Variants in KCNN4 observed in about 807,000 individuals in gnomAD.
KCNN4 encodes the protein intermediate conductance calcium-activated potassium channel protein 4.
Under a neutral mutation model 45.2 loss-of-function variants are expected in KCNN4, and 31 were observed. That is an observed-to-expected ratio of 0.69 (90% CI 0.52 to 0.92). The LOEUF is 0.92. Ranked by LOEUF, KCNN4 falls within the 40% of genes least tolerant of loss-of-function variation. The probability of loss-of-function intolerance (pLI) is 0.00; values close to 1 mark genes in which losing one functional copy is unlikely to be tolerated. For synonymous variants in KCNN4, 231 were observed against 254.6 expected (o/e 0.91, Z 0.88); for missense variants, 463 against 574.0 (o/e 0.81, Z 1.98).
chr19:43,777,299 G>GT (rs1491164645), intron 1 of KCNN4, among the ~76,000 whole-genome samples: 4 of 25,664 alleles, frequency 1.6e-4, no homozygotes, highest in South Asian at 2.0e-3. Context: ...AGTTCTTCAG[G>GT]TGTGTGTGTG....
rs1969561795 is a variant in KCNN4, at chr19:43,769,129, A to G, written c.1050-97T>C. 1.5e-6 allele frequency: 2 copies of G among 1,349,800 alleles called. No homozygotes were observed. The highest frequency in any genetic ancestry group is 2.1e-6 in the Non-Finnish European group (2 of 941,318). The allele number at this position is 1,349,800 out of a possible 1,614,324, so 83.6% of individuals were successfully genotyped here. On this transcript the variant is annotated intron_variant, in intron 6 of 8. Coordinates refer to ENST00000648319, the MANE Select transcript of KCNN4 (RefSeq NM_002250.3). The surrounding 1 kb of genome is among the most constrained non-coding windows in gnomAD (Gnocchi z 4.4). ...GAAGGGAGGAGAGGCACATGAAGAAACAAAACAAAGAAACAAAGTTGTCGA... is the reference window on the plus strand; with the variant it reads ...GAAGGGAGGAGAGGCACATGAAGAAGCAAAACAAAGAAACAAAGTTGTCGA...
At chr19:43,767,459 C>A in intron 8 of KCNN4, 81 bp downstream of exon 8, 2 of 1,496,642 alleles carry the variant, frequency 1.3e-6, no homozygotes, top group East Asian at 2.4e-5. Context: ...AGCCATCCCC[C>A]GCCCCCTTAG....
chr19:43,773,332 C>T (rs191345844), intron 3 of KCNN4, among the ~76,000 whole-genome samples: 2 of 152,300 alleles, frequency 1.3e-5, no homozygotes, highest in African/African-American at 2.4e-5. Flanking sequence ...GATGGTGGAA[C>T]GTGACATGCA....
At chr19:43,777,061 G>A (rs1199209043) in intron 1 of KCNN4, among the ~76,000 whole-genome samples, 1 of 152,096 alleles carries the variant, frequency 6.6e-6, no homozygotes, top group African/African-American at 2.4e-5. Context: ...TCCAGCCTGG[G>A]CAACAGAGCG....
In KCNN4 at chr19:43,774,156, T is replaced by C. The variant is rs201042189; in HGVS notation, c.683+36A>G. On this transcript the variant is annotated intron_variant, in intron 3 of 8. Coordinates refer to ENST00000648319, the MANE Select transcript of KCNN4 (RefSeq NM_002250.3). The surrounding 1 kb of genome is among the most constrained non-coding windows in gnomAD (Gnocchi z 5.6). The stretch of plus-strand genomic sequence containing the variant: ...GGACGGCCGCCGTGGCTGTCCGGGG[T>C]TCCCCCCTGCGCATTTATGCCTCCA... The C allele has an allele frequency of 8.3e-6, 13 of 1,571,122 alleles. No individual in the cohort carries two copies. The highest frequency in any genetic ancestry group is 2.7e-5 in the African/African-American group (2 of 73,996).
chr19:43,779,048 G>A (rs1481012563), intron 1 of KCNN4, among the ~76,000 whole-genome samples: 1 of 152,190 alleles, frequency 6.6e-6, no homozygotes, highest in African/African-American at 2.4e-5. Context: ...AAAAAGGGTG[G>A]AGGGTGACCC....
At chr19:43,775,984 T>C (rs904078494) in intron 2 of KCNN4, among the ~76,000 whole-genome samples, 1 of 151,614 alleles carries the variant, frequency 6.6e-6, no homozygotes, top group Non-Finnish European at 1.5e-5. Flanking sequence ...AAAAATTAGC[T>C]GGGCGTGGTG....
intron 3 of KCNN4, among the ~76,000 whole-genome samples, chr19:43,773,174 G>A (rs1209484903): frequency 3.3e-5 from 5 of 152,234 alleles, no homozygotes; most frequent in African/African-American, 7.2e-5. Flanking sequence ...GTGCACATCC[G>A]TAATCCCAGC....
At position 43,769,626 on chromosome 19, in the gene KCNN4, G is replaced by C. The variant is rs1244792569; in HGVS notation, c.931-66C>G. 1 of 1,571,658 alleles carries C rather than the reference G, an allele frequency of 6.4e-7. No homozygotes were observed. Among genetic ancestry groups the C allele is most frequent in the Non-Finnish European group, 8.8e-7 (1 of 1,141,898 alleles). Reference sequence around the variant, plus strand: ...ACGGTTCTGGGAAGGCAGGGCTAGGGCTGGGACTCTTGGGTCCTAGGGGAA... The same window carrying C: ...ACGGTTCTGGGAAGGCAGGGCTAGGCCTGGGACTCTTGGGTCCTAGGGGAA... On this transcript the variant is annotated intron_variant, in intron 5 of 8. Transcript: ENST00000648319. The surrounding 1 kb of genome is among the most constrained non-coding windows in gnomAD (Gnocchi z 4.4).
chr19:43,767,246 CAG>C, intron 8 of KCNN4, 157 bp from the exon 9 acceptor site: 1 of 367,588 alleles, frequency 2.7e-6, no homozygotes, highest in Non-Finnish European at 5.1e-6. Flanking sequence ...GGCATTTAGA[CAG>C]AGACATTGGA....
At chr19:43,776,501 G>A (rs1212857253) in intron 2 of KCNN4, 40 bp downstream of exon 2, 1 of 1,351,732 alleles carries the variant, frequency 7.4e-7, no homozygotes, top group Non-Finnish European at 1.1e-6. Flanking sequence ...GCGCTGAGGG[G>A]GTTGGAGGGA....
chr19:43,769,584 C>T lies in KCNN4; in HGVS notation c.931-24G>A, dbSNP rs201811061. ...ATCTGGGGGTGGGTGGCACAGTGTC[C>T]GTGGAGATAGACCCTTACGGTTCTG... On this transcript the variant is annotated intron_variant, in intron 5 of 8. Transcript: ENST00000648319. The surrounding 1 kb of genome is among the most constrained non-coding windows in gnomAD (Gnocchi z 4.4). 13 of 1,604,394 alleles carry T rather than the reference C, an allele frequency of 8.1e-6. No individual in the cohort carries two copies. The highest frequency in any genetic ancestry group is 2.7e-5 in the African/African-American group (2 of 74,788).
At chr19:43,767,413 T>C in intron 8 of KCNN4, 127 bp downstream of exon 8, 1 of 1,202,270 alleles carries the variant, frequency 8.3e-7, no homozygotes, top group African/African-American at 1.5e-5. Flanking sequence ...CTCCAGACAG[T>C]GCCAGAGCTG....
chr19:43,771,943 G>A (rs1969655111), intron 4 of KCNN4, 57 bp downstream of exon 4: 7 of 1,525,100 alleles, frequency 4.6e-6, no homozygotes, highest in Admixed American at 4.4e-5. Context: ...GGCTTCCTGG[G>A]GCCAGAGGAT....
chr19:43,768,228 C>T (rs1160011440), intron 7 of KCNN4, among the ~76,000 whole-genome samples: 2 of 152,258 alleles, frequency 1.3e-5, no homozygotes, highest in South Asian at 2.1e-4. Context: ...GCCACTGCCT[C>T]GTCACTGAGA....
chr19:43,769,115 A>C lies in KCNN4; in HGVS notation c.1050-83T>G. ...CTCAGGGGAGGAATGAAGGGAGGAG[A>C]GGCACATGAAGAAACAAAACAAAGA... On this transcript the variant is annotated intron_variant, in intron 6 of 8. Coordinates refer to ENST00000648319, the MANE Select transcript of KCNN4 (RefSeq NM_002250.3). The surrounding 1 kb of genome is among the most constrained non-coding windows in gnomAD (Gnocchi z 4.4). The C allele has an allele frequency of 2.1e-6, 3 of 1,401,822 alleles. No individual in the cohort carries two copies. Among genetic ancestry groups the C allele is most frequent in the Non-Finnish European group, 2.0e-6 (2 of 987,372 alleles). 86.8% of individuals were successfully genotyped at this position (1,401,822 alleles called of 1,614,324 possible). A position where few individuals can be genotyped will look rare whatever the true frequency, so the allele number is the denominator to read the frequency against.
Position 43,769,092 on chromosome 19 carries a change from C to T in KCNN4, c.1050-60G>A, listed in dbSNP as rs1969561089. ...CTGGTCCCTGAATGTAGCTGTAGCT[C>T]AGGGGAGGAATGAAGGGAGGAGAGG... On this transcript the variant is annotated intron_variant, in intron 6 of 8. Transcript: ENST00000648319. The surrounding 1 kb of genome is among the most constrained non-coding windows in gnomAD (Gnocchi z 4.4). 6.4e-7 allele frequency: 1 copy of T among 1,553,250 alleles called. No individual in the cohort carries two copies. Among genetic ancestry groups the T allele is most frequent in the Non-Finnish European group, 8.9e-7 (1 of 1,124,766 alleles).
chr19:43,776,681 C>A, intron 1 of KCNN4, 45 bp from the exon 2 acceptor site: 1 of 1,280,398 alleles, frequency 7.8e-7, no homozygotes, highest in Non-Finnish European at 1.1e-6. Flanking sequence ...CCAGGTCTCC[C>A]TCCGCCTGGC....
chr19:43,777,235 G>C (rs1360379275), intron 1 of KCNN4, among the ~76,000 whole-genome samples: 1 of 151,964 alleles, frequency 6.6e-6, no homozygotes, highest in East Asian at 1.9e-4. Flanking sequence ...CCCATGAAGG[G>C]GGACCTTGAA....
Sources: gnomAD v4.1 joint callset for allele counts (sites outside exome capture counted in the v4.1 genomes callset) on GRCh38, gnomAD v4.1.1 for gene constraint, Gnocchi (gnomAD v3.1) non-coding constraint, MANE v1.5 for transcripts, NCBI Gene and HGNC (gene_info 2026-07-23, HGNC 2026-07-21) for gene names.